The following MBD5 variants were observed in gnomAD, a reference collection of about 807,000 sequenced individuals.
MBD5 encodes the protein methyl-CpG-binding domain protein 5.
A neutral mutation model predicts 117.3 loss-of-function variants in MBD5; 13 were observed. The ratio of observed to expected loss-of-function variants is 0.11; its 90% confidence interval spans 0.07 to 0.18. The LOEUF (loss-of-function observed/expected upper bound fraction) is 0.18, where lower values mean the gene tolerates loss of function less well. Ranked by LOEUF, MBD5 falls within the 10% of genes least tolerant of loss-of-function variation. The probability of loss-of-function intolerance (pLI) is 1.00; values close to 1 mark genes in which losing one functional copy is unlikely to be tolerated. For synonymous variants in MBD5, 727 were observed against 766.4 expected (o/e 0.95, Z 0.85); for missense variants, 1,879 against 2,093.8 (o/e 0.90, Z 2.00).
intron 11 of MBD5, among the ~76,000 whole-genome samples, chr2:148,500,806 C>T (rs1324844473): frequency 6.6e-6 from 1 of 152,092 alleles, no homozygotes; most frequent in Non-Finnish European, 1.5e-5. Context: ...TTATTGATTA[C>T]AAAAATGAAA....
chr2:148,458,854 T>C lies in MBD5; in HGVS notation c.96T>C (p.Asn32=), dbSNP rs1706966960. 1 of 1,612,872 alleles carries C rather than the reference T, an allele frequency of 6.2e-7. No individual in the cohort carries two copies. Residue 32 remains asparagine (N), a synonymous_variant, in exon 5 of 14, where the codon AAT becomes AAC. Transcript: ENST00000642680. ...PVGWQRRVDQ[N]GVLYVSPSGS... ...GTTGGCAGCGTCGTGTGGATCAAAA[T>C]GGAGTGCTTTATGTCAGGTAAGTTC...
In MBD5 at chr2:148,065,127, T is replaced by A. The variant is rs574541007; in HGVS notation, c.-925+43443T>A. ...TCTAAAAGGAAGATTAGGGGTTTGA[T>A]AGCTGCCGACTTTATCCACAGTCTT... On this transcript the variant is annotated intron_variant, in intron 1 of 13. Transcript: ENST00000642680. Among the ~76,000 whole-genome samples the A allele has an allele frequency of 4.0e-4, 61 of 152,264 alleles. No individual in the cohort carries two copies. In the South Asian group the frequency reaches 0.012, roughly 31 times the overall value.
At chr2:148,127,764 G>T (rs577193281) in intron 1 of MBD5, among the ~76,000 whole-genome samples, 1 of 152,168 alleles carries the variant, frequency 6.6e-6, no homozygotes, top group African/African-American at 2.4e-5. Flanking sequence ...GGGATTCCTG[G>T]GTCAAATGGT....
At chr2:148,094,221 C>T (rs544302613) in intron 1 of MBD5, among the ~76,000 whole-genome samples, 43 of 152,246 alleles carry the variant, frequency 2.8e-4, no homozygotes, top group African/African-American at 1.0e-3. Context: ...ACAGTTCCAA[C>T]AGATTAATTG....
At chr2:148,121,544 A>G (rs1696768856) in intron 1 of MBD5, among the ~76,000 whole-genome samples, 1 of 152,100 alleles carries the variant, frequency 6.6e-6, no homozygotes, top group African/African-American at 2.4e-5. Flanking sequence ...CAATTATTGG[A>G]AACTTTTAAA....
At chr2:148,168,973 C>T (rs192674162) in intron 1 of MBD5, among the ~76,000 whole-genome samples, 8 of 146,978 alleles carry the variant, frequency 5.4e-5, no homozygotes, top group East Asian at 2.0e-4. Flanking sequence ...GATATATATA[C>T]GTATAATATA....
intron 4 of MBD5, among the ~76,000 whole-genome samples, chr2:148,350,408 T>A (rs542895161): frequency 2.0e-5 from 3 of 151,942 alleles, no homozygotes; most frequent in African/African-American, 7.2e-5. Flanking sequence ...GATATTCTGA[T>A]AACAAAAATG....
intron 2 of MBD5, among the ~76,000 whole-genome samples, chr2:148,207,851 G>A (rs550596031): frequency 3.9e-5 from 6 of 152,172 alleles, no homozygotes; most frequent in Non-Finnish European, 8.8e-5. Flanking sequence ...AACTTTTCAT[G>A]TATACCAAAA....
chr2:148,197,024 C>T (rs1422019734), intron 2 of MBD5, among the ~76,000 whole-genome samples: 3 of 152,150 alleles, frequency 2.0e-5, no homozygotes, highest in African/African-American at 4.8e-5. Flanking sequence ...ATCCCACATG[C>T]TCTTTATATT....
At chr2:148,421,585 A>G (rs1411638537) in intron 4 of MBD5, among the ~76,000 whole-genome samples, 1 of 151,674 alleles carries the variant, frequency 6.6e-6, no homozygotes, top group East Asian at 1.9e-4. Flanking sequence ...GACAGAACAC[A>G]TTCACTCCCT....
chr2:148,449,656 T>C (rs1706665865), intron 4 of MBD5, among the ~76,000 whole-genome samples: 1 of 152,006 alleles, frequency 6.6e-6, no homozygotes, highest in Non-Finnish European at 1.5e-5. Context: ...TTAATTTTTA[T>C]TTGCAGTATG....
Position 148,468,777 on chromosome 2 carries a change from A to C in MBD5, c.834A>C (p.Val278=). 6.2e-7 allele frequency: 1 copy of C among 1,613,942 alleles called. No homozygotes were observed. Among genetic ancestry groups the C allele is most frequent in the Non-Finnish European group, 8.5e-7 (1 of 1,179,878 alleles). Residue 278 remains valine, a synonymous_variant, in exon 8 of 14, where the codon GTA becomes GTC. Coordinates refer to ENST00000642680, the MANE Select transcript of MBD5 (RefSeq NM_001378120.1). ...GGACTCCTCTTTCTCCACCTTCAGT[A>C]ATGCTACATGGTTCTCCTGTACAGT... ...LNRTPLSPPS[V]MLHGSPVQSS...
intron 4 of MBD5, among the ~76,000 whole-genome samples, chr2:148,359,240 C>G (rs1215983383): frequency 1.4e-5 from 2 of 146,334 alleles, no homozygotes. Flanking sequence ...GCACTTCAGC[C>G]TTGATGACAG....
intron 4 of MBD5, among the ~76,000 whole-genome samples, chr2:148,421,195 C>T (rs1038294317): frequency 2.6e-5 from 4 of 152,296 alleles, no homozygotes; most frequent in Admixed American, 1.3e-4. Flanking sequence ...GCATAAGGCA[C>T]GTGATTTCTG....
At chr2:148,397,627 C>T (rs974928594) in intron 4 of MBD5, among the ~76,000 whole-genome samples, 1 of 151,970 alleles carries the variant, frequency 6.6e-6, no homozygotes, top group African/African-American at 2.4e-5. Flanking sequence ...CCGCGCCCAG[C>T]CTGATCCTTA....
At chr2:148,275,495 G>A (rs2106359764) in intron 3 of MBD5, among the ~76,000 whole-genome samples, 1 of 152,280 alleles carries the variant, frequency 6.6e-6, no homozygotes, top group Middle Eastern at 3.4e-3. Flanking sequence ...ATTTCTGCAG[G>A]AGGGAATATT....
At chr2:148,381,142 G>A (rs1180731714) in intron 4 of MBD5, among the ~76,000 whole-genome samples, 1 of 152,160 alleles carries the variant, frequency 6.6e-6, no homozygotes, top group Admixed American at 6.6e-5. Context: ...AATTGAGAGA[G>A]GAAGGCTTCA....
intron 2 of MBD5, among the ~76,000 whole-genome samples, chr2:148,196,935 A>G (rs903646430): frequency 4.6e-5 from 7 of 152,136 alleles, no homozygotes; most frequent in African/African-American, 4.8e-5. Context: ...ATGTGCCAAA[A>G]TTGGAAAATT....
intron 4 of MBD5, among the ~76,000 whole-genome samples, chr2:148,412,341 A>G (rs1256770862): frequency 1.3e-5 from 2 of 148,696 alleles, no homozygotes; most frequent in Non-Finnish European, 2.9e-5. Context: ...ATATAGAGAG[A>G]GAGACAGAGA....
Sources: allele counts gnomAD v4.1 joint callset (sites outside exome capture counted in the v4.1 genomes callset), GRCh38; gene constraint gnomAD v4.1.1; transcripts MANE v1.5; gene names NCBI Gene and HGNC (gene_info 2026-07-23, HGNC 2026-07-21).